Variants in NTNG1 observed in about 807,000 individuals in gnomAD.
NTNG1 encodes netrin-G1.
Under a neutral mutation model 54.0 loss-of-function variants are expected in NTNG1, and 16 were observed. The observed-to-expected ratio is 0.30, with a 90% CI of 0.20 to 0.45. The LOEUF is 0.45. Among genes scored for constraint, NTNG1 ranks in the 20% least tolerant of loss-of-function variants. NTNG1 has a pLI of 1.00. For missense variants in NTNG1, 530 were observed against 678.7 expected, an observed-to-expected ratio of 0.78 and a Z score of 2.43; for synonymous variants, 255 against 263.1, an observed-to-expected ratio of 0.97 and a Z score of 0.30.
intron 2 of NTNG1, among the ~76,000 whole-genome samples, chr1:107,248,631 C>T (rs928553319): frequency 3.9e-5 from 6 of 152,104 alleles, no homozygotes; most frequent in African/African-American, 1.2e-4. Flanking sequence ...ACAATATAAG[C>T]GATTTTATTA....
At chr1:107,251,333 A>G (rs1557844522) in intron 2 of NTNG1, among the ~76,000 whole-genome samples, 1 of 152,194 alleles carries the variant, frequency 6.6e-6, no homozygotes, top group East Asian at 1.9e-4. Flanking sequence ...AACTCGTCTT[A>G]TCTCCCCCTC....
chr1:107,339,741 A>G (rs146243486), intron 3 of NTNG1, among the ~76,000 whole-genome samples: 41 of 152,234 alleles, frequency 2.7e-4, no homozygotes, highest in African/African-American at 9.4e-4. Context: ...GAACTGTAAC[A>G]TGGAAAATAA....
intron 7 of NTNG1, among the ~76,000 whole-genome samples, chr1:107,454,897 A>T (rs1038696691): frequency 6.6e-6 from 1 of 152,210 alleles, no homozygotes; most frequent in Non-Finnish European, 1.5e-5. Flanking sequence ...GAAATGAATG[A>T]GGCTCAAACC....
intron 2 of NTNG1, among the ~76,000 whole-genome samples, chr1:107,217,982 T>C (rs1304566441): frequency 3.9e-5 from 6 of 152,186 alleles, no homozygotes; most frequent in Admixed American, 3.9e-4. Context: ...GGGTATAGTT[T>C]AATTCAATTG....
chr1:107,216,281 G>A (rs765205092), intron 2 of NTNG1, among the ~76,000 whole-genome samples: 2 of 152,148 alleles, frequency 1.3e-5, no homozygotes, highest in African/African-American at 2.4e-5. Context: ...TTGGCTATAG[G>A]TTTGTCATAG....
chr1:107,447,459 C>T (rs1558006895), intron 7 of NTNG1, among the ~76,000 whole-genome samples: 1 of 152,034 alleles, frequency 6.6e-6, no homozygotes, highest in Admixed American at 6.6e-5. Context: ...GTAAGTCTTT[C>T]CTGAAATATT....
At chr1:107,449,965 A>C (rs1417209293) in intron 7 of NTNG1, among the ~76,000 whole-genome samples, 1 of 152,082 alleles carries the variant, frequency 6.6e-6, no homozygotes, top group African/African-American at 2.4e-5. Context: ...GTCTTGATAA[A>C]ATATTTCTAG....
At chr1:107,427,546 A>G (rs1674987301) in intron 5 of NTNG1, among the ~76,000 whole-genome samples, 1 of 152,094 alleles carries the variant, frequency 6.6e-6, no homozygotes, top group African/African-American at 2.4e-5. Context: ...GTCATATTTG[A>G]AATACTTTGC....
intron 2 of NTNG1, among the ~76,000 whole-genome samples, chr1:107,235,580 T>C (rs949982592): frequency 6.6e-6 from 1 of 152,200 alleles, no homozygotes; most frequent in Non-Finnish European, 1.5e-5. Context: ...GAAGCTTCCA[T>C]CATTGCTGTG....
chr1:107,467,553 T>A (rs547716010), intron 7 of NTNG1, among the ~76,000 whole-genome samples: 24 of 152,234 alleles, frequency 1.6e-4, no homozygotes, highest in African/African-American at 5.1e-4. Flanking sequence ...GGCTCAGAAA[T>A]CCAGATTGCA....
chr1:107,148,977 T>C (rs1468535254), intron 2 of NTNG1, 138 bp downstream of exon 2: 10 of 823,140 alleles, frequency 1.2e-5, no homozygotes, highest in Non-Finnish European at 1.7e-5. Flanking sequence ...CAGGCTAGTT[T>C]CTTTCTCAGT....
intron 3 of NTNG1, among the ~76,000 whole-genome samples, chr1:107,387,939 C>A (rs1672113416): frequency 6.6e-6 from 1 of 152,162 alleles, no homozygotes. Flanking sequence ...AAGGCATCAT[C>A]ATCACTGGAG....
At chr1:107,200,694 A>G (rs969749125) in intron 2 of NTNG1, among the ~76,000 whole-genome samples, 2 of 151,874 alleles carry the variant, frequency 1.3e-5, no homozygotes, top group South Asian at 2.1e-4. Context: ...TCATTTTCAC[A>G]TAACTGCTTT....
At chr1:107,429,156 C>T (rs754795606) in intron 5 of NTNG1, among the ~76,000 whole-genome samples, 17 of 152,064 alleles carry the variant, frequency 1.1e-4, no homozygotes, top group Non-Finnish European at 2.2e-4. Flanking sequence ...TCTTGCCTCT[C>T]TTTTAGCAAC....
At chr1:107,280,890 T>TATTTTA (rs1347467533) in intron 2 of NTNG1, among the ~76,000 whole-genome samples, 4 of 150,416 alleles carry the variant, frequency 2.7e-5, no homozygotes, top group African/African-American at 9.8e-5. Flanking sequence ...TATTTTATTT[T>TATTTTA]ATTTTATTTT....
intron 2 of NTNG1, among the ~76,000 whole-genome samples, chr1:107,207,570 C>G (rs7522516): frequency 0.092 from 14,045 of 152,138 alleles, 1,083 homozygotes; most frequent in African/African-American, 0.21. Context: ...AAAAATGAAC[C>G]CTTCCATGGA....
At chr1:107,289,258 A>G (rs916849085) in intron 2 of NTNG1, among the ~76,000 whole-genome samples, 10 of 152,064 alleles carry the variant, frequency 6.6e-5, no homozygotes, top group African/African-American at 2.2e-4. Context: ...TTCATCGGGA[A>G]CCTTGTGCTA....
intron 6 of NTNG1, among the ~76,000 whole-genome samples, chr1:107,435,609 A>G (rs1208094779): frequency 6.6e-6 from 1 of 152,120 alleles, no homozygotes; most frequent in Non-Finnish European, 1.5e-5. Flanking sequence ...CCCATAGCAA[A>G]TCTAATATGC....
intron 2 of NTNG1, among the ~76,000 whole-genome samples, chr1:107,223,567 AC>A (rs1376987131): frequency 6.6e-6 from 1 of 152,170 alleles, no homozygotes; most frequent in Non-Finnish European, 1.5e-5. Flanking sequence ...TCAGAATGAC[AC>A]TATGTTTTGT....
Sources: gnomAD v4.1 joint callset for allele counts (sites outside exome capture counted in the v4.1 genomes callset) on GRCh38, gnomAD v4.1.1 for gene constraint, MANE v1.5 for transcripts, NCBI Gene and HGNC (gene_info 2026-07-23, HGNC 2026-07-21) for gene names.